Variants in CSMD2 observed in about 807,000 individuals in gnomAD.
CSMD2 encodes CUB and sushi domain-containing protein 2.
Under a neutral mutation model 398.5 loss-of-function variants are expected in CSMD2, and 130 were observed. The observed-to-expected ratio is 0.33, with a 90% CI of 0.28 to 0.38. The LOEUF (loss-of-function observed/expected upper bound fraction) is 0.38, where lower values mean the gene tolerates loss of function less well. Among genes scored for constraint, CSMD2 ranks in the 10% least tolerant of loss-of-function variants. The pLI, the probability that CSMD2 is intolerant of heterozygous loss-of-function variation, is 1.00. For missense variants in CSMD2, 3,829 were observed against 4,764.9 expected (o/e 0.80, Z 5.78); for synonymous variants, 1,828 against 1,908.5 (o/e 0.96, Z 1.10).
rs753264716 is a variant in CSMD2, at chr1:33,724,735, C to T, written c.2696-31G>A. On this transcript the variant is annotated intron_variant, in intron 17 of 70. Coordinates refer to ENST00000373381, the MANE Select transcript of CSMD2 (RefSeq NM_001281956.2). Reference sequence around the variant, plus strand: ...AGAGAGAGGCCACAGCTGGGACAGACAGCTTACTGTCACTACAGAGGGACC... The same window carrying T: ...AGAGAGAGGCCACAGCTGGGACAGATAGCTTACTGTCACTACAGAGGGACC... 6 of 1,602,422 alleles carry T rather than the reference C, an allele frequency of 3.7e-6. No homozygotes were observed. The Admixed American group carries it at 6.7e-5, about 18-fold the overall frequency.
At chr1:33,714,919 C>T in intron 20 of CSMD2, 144 bp from the exon 21 acceptor site, 1 of 749,864 alleles carries the variant, frequency 1.3e-6, no homozygotes, top group Non-Finnish European at 2.2e-6. Flanking sequence ...CACTGGCCCA[C>T]AAAAGGTGAC....
chr1:34,126,354 G>A (rs1662739419), intron 1 of CSMD2, among the ~76,000 whole-genome samples: 1 of 152,160 alleles, frequency 6.6e-6, no homozygotes. Context: ...CCTGCTGCTG[G>A]TTGAGACCTG....
rs1646917157 is a variant in CSMD2, at chr1:34,001,918, G to C, written c.517+30676C>G. 1.3e-5 allele frequency among the ~76,000 whole-genome samples: 2 copies of C among 152,094 alleles called. 1 individual carries two copies. Among genetic ancestry groups the C allele is most frequent in the Non-Finnish European group, 2.9e-5 (2 of 68,020 alleles). On this transcript the variant is annotated intron_variant, in intron 3 of 70. Transcript: ENST00000373381. ...GCTGCAAAAATAATAATAATAAAAA[G>C]GATAATAATGACTGCAACTTCTTAA... is the stretch of plus-strand genomic sequence containing the variant.
chr1:34,032,585 G>A lies in CSMD2; in HGVS notation c.517+9C>T. 1.3e-6 allele frequency: 2 copies of A among 1,551,904 alleles called. No homozygotes were observed. The highest frequency in any genetic ancestry group is 8.8e-7 in the Non-Finnish European group (1 of 1,142,370). ...TCCGGCTCCTGTGGCCGATGAGGGA[G>A]GCACTTACCTTCATAGGTGGCGTGG... On this transcript the variant is annotated intron_variant, in intron 3 of 70. Transcript: ENST00000373381.
chr1:33,536,029 T>C (rs1053566647), intron 62 of CSMD2, among the ~76,000 whole-genome samples: 1 of 152,156 alleles, frequency 6.6e-6, no homozygotes, highest in Non-Finnish European at 1.5e-5. Flanking sequence ...TCTGTCCTGT[T>C]CCCACTGTAT....
chr1:34,148,899 C>T (rs1640032388), intron 1 of CSMD2, among the ~76,000 whole-genome samples: 1 of 152,110 alleles, frequency 6.6e-6, no homozygotes, highest in African/African-American at 2.4e-5. Flanking sequence ...CGGATGGGGT[C>T]CAAGAGGCTC....
chr1:33,683,890 A>T (rs1037687124), intron 25 of CSMD2, among the ~76,000 whole-genome samples: 35 of 152,352 alleles, frequency 2.3e-4, no homozygotes, highest in African/African-American at 7.7e-4. Flanking sequence ...CTTGCAGTGT[A>T]AGTACACGAA....
chr1:33,753,422 C>T (rs1648539047), intron 13 of CSMD2, among the ~76,000 whole-genome samples: 1 of 152,240 alleles, frequency 6.6e-6, no homozygotes, highest in Non-Finnish European at 1.5e-5. Flanking sequence ...GTGTAAGCTG[C>T]CATAAGCCTT....
intron 25 of CSMD2, among the ~76,000 whole-genome samples, chr1:33,690,924 T>C (rs1160798373): frequency 6.6e-6 from 1 of 152,156 alleles, no homozygotes; most frequent in Non-Finnish European, 1.5e-5. Context: ...GGAAAATATA[T>C]GCAACAGGTA....
intron 15 of CSMD2, among the ~76,000 whole-genome samples, chr1:33,732,070 AACAAGG>A (rs1482904939): frequency 6.6e-6 from 1 of 152,186 alleles, no homozygotes; most frequent in East Asian, 1.9e-4. Context: ...TTTTCATTTA[AACAAGG>A]TGAAGGCAAA....
At chr1:33,908,258 A>G (rs1330284917) in intron 5 of CSMD2, among the ~76,000 whole-genome samples, 2 of 152,210 alleles carry the variant, frequency 1.3e-5, no homozygotes. Flanking sequence ...TGGAACAAAC[A>G]TTCATGGCCA....
At chr1:33,943,180 T>A (rs537528824) in intron 3 of CSMD2, among the ~76,000 whole-genome samples, 22 of 152,282 alleles carry the variant, frequency 1.4e-4, no homozygotes, top group Middle Eastern at 3.4e-3. Context: ...GATTAATTTT[T>A]AAAAAAAGGA....
At chr1:33,947,904 CAG>C (rs1179778746) in intron 3 of CSMD2, among the ~76,000 whole-genome samples, 1 of 152,214 alleles carries the variant, frequency 6.6e-6, no homozygotes, top group Non-Finnish European at 1.5e-5. Flanking sequence ...AACTGAGGCG[CAG>C]AGAGGGTGAG....
Position 33,724,566 on chromosome 1 carries a change from A to C in CSMD2, c.2834T>G (p.Leu945Arg). Residue 945 changes from leucine to arginine, a missense_variant, in exon 18 of 71, where the codon CTG becomes CGG. Coordinates refer to ENST00000373381, the MANE Select transcript of CSMD2 (RefSeq NM_001281956.2). ...SGYTLSDGEP[L>R]ECEPNFQWSR... ...CCACTGGAAGTTGGGCTCACACTCC[A>C]GAGGCTCCCCGTCACTTAATGTGTA... The C allele has an allele frequency of 1.2e-6, 2 of 1,614,218 alleles. No individual in the cohort carries two copies. Among genetic ancestry groups the C allele is most frequent in the Non-Finnish European group, 1.7e-6 (2 of 1,180,034 alleles).
intron 1 of CSMD2, among the ~76,000 whole-genome samples, chr1:34,108,174 A>C (rs1660703647): frequency 6.6e-6 from 1 of 152,166 alleles, no homozygotes; most frequent in South Asian, 2.1e-4. Context: ...CCTCATCCCT[A>C]AAGAAAATAG....
chr1:33,708,959 G>A (rs1475177268), intron 22 of CSMD2, 130 bp downstream of exon 22: 1 of 748,940 alleles, frequency 1.3e-6, no homozygotes, highest in Non-Finnish European at 2.1e-6. Flanking sequence ...TCCCAGATGA[G>A]TGAGGACAGT....
chr1:34,031,896 A>T (rs1424856517), intron 3 of CSMD2, among the ~76,000 whole-genome samples: 1 of 152,172 alleles, frequency 6.6e-6, no homozygotes, highest in East Asian at 1.9e-4. Flanking sequence ...ACAAAATAAC[A>T]GTGCAGGTCT....
rs533036615 is a variant in CSMD2, at chr1:33,653,749, G to C, written c.4448-1288C>G. On this transcript the variant is annotated intron_variant, in intron 27 of 70. Transcript: ENST00000373381. ...TAAGAGCTGGGAAGCGTGTGGGGTCGTTAGCAGGATGGCCAAGACTATAGG... is the reference window on the plus strand; with the variant it reads ...TAAGAGCTGGGAAGCGTGTGGGGTCCTTAGCAGGATGGCCAAGACTATAGG... 5.3e-5 allele frequency among the ~76,000 whole-genome samples: 8 copies of C among 152,238 alleles called. No individual in the cohort carries two copies. In the South Asian group the frequency reaches 1.7e-3, roughly 32 times the overall value.
chr1:33,711,254 A>T (rs1050982561), intron 21 of CSMD2, among the ~76,000 whole-genome samples: 1 of 152,168 alleles, frequency 6.6e-6, no homozygotes, highest in Non-Finnish European at 1.5e-5. Flanking sequence ...GTCATATCAC[A>T]TGGGCAGCCT....
Sources: gnomAD v4.1 joint callset for allele counts (sites outside exome capture counted in the v4.1 genomes callset) on GRCh38, gnomAD v4.1.1 for gene constraint, MANE v1.5 for transcripts, NCBI Gene and HGNC (gene_info 2026-07-23, HGNC 2026-07-21) for gene names.